The following PDZD2 variants were observed in gnomAD, a reference collection of about 807,000 sequenced individuals.
PDZD2 encodes PDZ domain-containing protein 2.
PDZD2 carries 90 observed loss-of-function variants against 220.7 expected under a neutral mutation model. The ratio of observed to expected loss-of-function variants is 0.41; its 90% CI spans 0.34 to 0.49. The LOEUF (loss-of-function observed/expected upper bound fraction) is 0.49, where lower values mean the gene tolerates loss of function less well. Ranked by LOEUF, PDZD2 falls within the 20% of genes least tolerant of loss-of-function variation. The pLI is 0.28. For missense variants in PDZD2, 3,174 were observed against 3,608.5 expected, an observed-to-expected ratio of 0.88 and a Z score of 3.08; for synonymous variants, 1,375 against 1,450.5, an observed-to-expected ratio of 0.95 and a Z score of 1.18.
At chr5:31,703,470 C>T (rs571048945) in intron 1 of PDZD2, among the ~76,000 whole-genome samples, 27 of 151,960 alleles carry the variant, frequency 1.8e-4, no homozygotes, top group Non-Finnish European at 3.2e-4. Context: ...ACACCGGGAC[C>T]TGTCGGGGGG....
At chr5:31,734,237 G>A (rs10213833) in intron 1 of PDZD2, among the ~76,000 whole-genome samples, 3,164 of 152,178 alleles carry the variant, frequency 0.021, 130 homozygotes, top group African/African-American at 0.074. Context: ...ATACCCTCTC[G>A]GGGTGTTCCA....
chr5:32,083,486 A>G lies in PDZD2; in HGVS notation c.3683-3645A>G, dbSNP rs2112446452. The G allele has an allele frequency of 6.6e-6, 1 of 152,302 alleles. No individual in the cohort carries two copies. The highest frequency in any genetic ancestry group is 2.1e-4 in the South Asian group (1 of 4,826). 9.4% of individuals were successfully genotyped at this position (152,302 alleles called of 1,614,324 possible). On this transcript the variant is annotated intron_variant, in intron 19 of 24. Coordinates refer to ENST00000438447, the MANE Select transcript of PDZD2 (RefSeq NM_178140.4). This position sits in a 1 kb window ranked among gnomAD's most constrained non-coding sequence, Gnocchi z 4.1. Reference sequence around the variant, plus strand: ...CCCACGGATGTGCTGTAACGAGTCAACCTTCCTCCCATGATTGGGCATTTC... The same window carrying G: ...CCCACGGATGTGCTGTAACGAGTCAGCCTTCCTCCCATGATTGGGCATTTC...
intron 8 of PDZD2, among the ~76,000 whole-genome samples, chr5:32,051,979 G>A (rs1356813563): frequency 1.3e-5 from 2 of 152,142 alleles, no homozygotes; most frequent in Non-Finnish European, 2.9e-5. Flanking sequence ...GACCACAGGT[G>A]GTCATCCTGT....
chr5:32,020,443 C>G (rs1372371305), intron 6 of PDZD2, among the ~76,000 whole-genome samples: 2 of 152,180 alleles, frequency 1.3e-5, no homozygotes, highest in Non-Finnish European at 2.9e-5. Context: ...ATTTTTGCAT[C>G]ATGTATCTCA....
intron 2 of PDZD2, among the ~76,000 whole-genome samples, chr5:31,837,588 G>A (rs1757021385): frequency 6.6e-6 from 1 of 152,138 alleles, no homozygotes; most frequent in African/African-American, 2.4e-5. Context: ...CCCAGGCATG[G>A]TGGTCCATGC....
chr5:32,072,496 C>T (rs921090046), intron 17 of PDZD2, among the ~76,000 whole-genome samples, 179 bp downstream of exon 17: 3 of 152,128 alleles, frequency 2.0e-5, no homozygotes, highest in Non-Finnish European at 4.4e-5. Flanking sequence ...TTGGGGAGGC[C>T]GAGGCGGGGG....
intron 2 of PDZD2, among the ~76,000 whole-genome samples, chr5:31,912,803 G>A (rs73751255): frequency 0.02 from 3,014 of 152,216 alleles, 106 homozygotes; most frequent in African/African-American, 0.069. Context: ...TCTGAAGTCT[G>A]GTATACTATT....
chr5:31,790,219 T>G (rs896518087), intron 1 of PDZD2, among the ~76,000 whole-genome samples: 5 of 152,124 alleles, frequency 3.3e-5, no homozygotes, highest in African/African-American at 1.2e-4. Context: ...TGCCTCAGCC[T>G]CCCGAGTAGC....
intron 2 of PDZD2, among the ~76,000 whole-genome samples, chr5:31,978,856 C>T (rs1750028352): frequency 6.6e-6 from 1 of 152,074 alleles, no homozygotes; most frequent in African/African-American, 2.4e-5. Context: ...AATAAAATAA[C>T]CTGTCATACA....
chr5:31,862,101 GTTTTT>G (rs11417935), intron 2 of PDZD2, among the ~76,000 whole-genome samples: 1 of 78,496 alleles, frequency 1.3e-5, no homozygotes, highest in African/African-American at 4.8e-5. Context: ...TTTTTTTTGG[GTTTTT>G]TTTTTTTTTT....
intron 2 of PDZD2, among the ~76,000 whole-genome samples, chr5:31,922,544 C>G (rs1392508111): frequency 2.0e-5 from 3 of 152,258 alleles, no homozygotes; most frequent in African/African-American, 4.8e-5. Flanking sequence ...TCACTGGGAA[C>G]TGAACGTTGC....
At chr5:31,899,320 A>G (rs539549934) in intron 2 of PDZD2, among the ~76,000 whole-genome samples, 39 of 152,176 alleles carry the variant, frequency 2.6e-4, no homozygotes, top group African/African-American at 9.2e-4. Flanking sequence ...TTTAGTAGAG[A>G]TGGGGTTTCA....
intron 7 of PDZD2, among the ~76,000 whole-genome samples, chr5:32,045,617 T>G (rs1308085909): frequency 6.6e-6 from 1 of 150,594 alleles, no homozygotes; most frequent in African/African-American, 2.4e-5. Context: ...TTAGTAGAGA[T>G]AGGGTTTCAC....
chr5:31,840,592 A>T (rs1371466109), intron 2 of PDZD2: 2 of 713,030 alleles, frequency 2.8e-6, no homozygotes, highest in Non-Finnish European at 5.2e-6. Flanking sequence ...CTGGCACTTC[A>T]GTTGAACCCA....
In PDZD2 at chr5:32,089,849, G is replaced by A. The variant is rs753398418; in HGVS notation, c.6401G>A (p.Arg2134His). The stretch of plus-strand genomic sequence containing the variant: ...GAGAAGAGTGAAATCAGGCTCTATC[G>A]CCAGGTCGCAGAATCATCCACAAGT... ...CQEKSEIRLYRQVAESSTSHP... is the reference protein window; with the variant it reads ...CQEKSEIRLYHQVAESSTSHP... Residue 2134 changes from arginine to histidine, a missense_variant, in exon 20 of 25, where the codon CGC (arginine) becomes CAC (histidine). Coordinates refer to ENST00000438447, the MANE Select transcript of PDZD2 (RefSeq NM_178140.4). 10 of 1,613,078 alleles carry A rather than the reference G, an allele frequency of 6.2e-6. No individual in the cohort carries two copies. Among genetic ancestry groups the A allele is most frequent in the Non-Finnish European group, 8.5e-6 (10 of 1,179,360 alleles).
At chr5:31,686,886 G>C (rs1041914422) in intron 1 of PDZD2, among the ~76,000 whole-genome samples, 1 of 151,932 alleles carries the variant, frequency 6.6e-6, no homozygotes, top group Non-Finnish European at 1.5e-5. Context: ...ACTTTCCTAG[G>C]CTTTTCATAC....
chr5:32,042,457 C>T (rs952393482), intron 7 of PDZD2, among the ~76,000 whole-genome samples: 1 of 151,726 alleles, frequency 6.6e-6, no homozygotes, highest in African/African-American at 2.4e-5. Context: ...CCTATAATCC[C>T]AGCTACTCGG....
intron 2 of PDZD2, among the ~76,000 whole-genome samples, chr5:31,926,660 A>G (rs1486601367): frequency 3.3e-5 from 5 of 152,060 alleles, no homozygotes; most frequent in African/African-American, 1.2e-4. Context: ...AGCTGTTTGG[A>G]GATTTCTCAA....
intron 3 of PDZD2, among the ~76,000 whole-genome samples, chr5:31,989,429 T>TTTTTTTTTTTTTTTATTTATTTATTTTA (rs1561278009): frequency 6.8e-6 from 1 of 147,724 alleles, no homozygotes; most frequent in African/African-American, 2.5e-5. Context: ...TTCTTTTTTT[T>TTTTTTTTTTTTTTTATTTATTTATTTTA]TTTTTTTTTT....
Sources: gnomAD v4.1 joint callset for allele counts (sites outside exome capture counted in the v4.1 genomes callset) on GRCh38, gnomAD v4.1.1 for gene constraint, Gnocchi (gnomAD v3.1) non-coding constraint, MANE v1.5 for transcripts, NCBI Gene and HGNC (gene_info 2026-07-23, HGNC 2026-07-21) for gene names.